ESRRG: variants seen among roughly 807,000 people sequenced by gnomAD.
ESRRG encodes estrogen related receptor gamma.
ESRRG carries 13 observed loss-of-function variants against 44.0 expected under a neutral mutation model. The observed-to-expected ratio is 0.30, with a 90% confidence interval of 0.19 to 0.47. ESRRG has a LOEUF of 0.47. Among genes scored for constraint, ESRRG ranks in the 20% least tolerant of loss-of-function variants. The pLI, the probability that ESRRG is intolerant of heterozygous loss-of-function variation, is 1.00. For synonymous variants in ESRRG, 215 were observed against 214.6 expected (o/e 1.00, Z -0.02); for missense variants, 395 against 580.6 (o/e 0.68, Z 3.29).
intron 5 of ESRRG, among the ~76,000 whole-genome samples, chr1:216,545,428 T>A (rs1259568085): frequency 6.6e-6 from 1 of 151,934 alleles, no homozygotes; most frequent in Non-Finnish European, 1.5e-5. Context: ...CCCACCCCAA[T>A]GCATACGTTC....
At chr1:216,542,337 T>A (rs1332468053) in intron 5 of ESRRG, among the ~76,000 whole-genome samples, 2 of 151,968 alleles carry the variant, frequency 1.3e-5, no homozygotes, top group East Asian at 3.9e-4. Flanking sequence ...AAAGATGCAA[T>A]TCTTTTTGGT....
intron 6 of ESRRG, among the ~76,000 whole-genome samples, chr1:216,515,482 A>T (rs1388807130): frequency 2.0e-5 from 3 of 152,128 alleles, no homozygotes; most frequent in Non-Finnish European, 2.9e-5. Context: ...TAAACTTTCT[A>T]TACCTTGAAA....
intron 2 of ESRRG, among the ~76,000 whole-genome samples, chr1:216,651,677 C>A (rs1041986947): frequency 6.6e-6 from 1 of 152,114 alleles, no homozygotes; most frequent in Non-Finnish European, 1.5e-5. Flanking sequence ...GCTTACTGAT[C>A]ATGGTGATGA....
intron 6 of ESRRG, among the ~76,000 whole-genome samples, chr1:216,510,081 A>G (rs2042273310): frequency 6.6e-6 from 1 of 152,228 alleles, no homozygotes; most frequent in African/African-American, 2.4e-5. Context: ...AATGGATATC[A>G]TAAGTTTATG....
At chr1:216,792,201 C>A (rs2094340149) in intron 2 of ESRRG, among the ~76,000 whole-genome samples, 1 of 152,132 alleles carries the variant, frequency 6.6e-6, no homozygotes. Context: ...CATTCATTAT[C>A]TCTGTGACAT....
At chr1:217,008,985 G>A (rs2078155351) in intron 1 of ESRRG, among the ~76,000 whole-genome samples, 1 of 152,194 alleles carries the variant, frequency 6.6e-6, no homozygotes, top group South Asian at 2.1e-4. Context: ...TCATATTTGA[G>A]GGGATTATTT....
chr1:216,576,027 G>A (rs1486252623), intron 3 of ESRRG, among the ~76,000 whole-genome samples: 1 of 151,898 alleles, frequency 6.6e-6, no homozygotes, highest in Non-Finnish European at 1.5e-5. Context: ...TTTCCACTGA[G>A]GCAGAGACTG....
At chr1:216,793,821 C>T (rs1017149758) in intron 2 of ESRRG, among the ~76,000 whole-genome samples, 2 of 152,146 alleles carry the variant, frequency 1.3e-5, no homozygotes, top group Non-Finnish European at 2.9e-5. Context: ...TCTTATTCAT[C>T]TACAGGTTTA....
chr1:216,617,832 C>T (rs2150408372), intron 3 of ESRRG, among the ~76,000 whole-genome samples: 1 of 152,278 alleles, frequency 6.6e-6, no homozygotes, highest in Middle Eastern at 3.4e-3. Flanking sequence ...AAATGCAAGT[C>T]ACTTTCCCTC....
At chr1:217,107,680 A>C (rs963783858) in intron 1 of ESRRG, among the ~76,000 whole-genome samples, 9 of 152,180 alleles carry the variant, frequency 5.9e-5, no homozygotes, top group African/African-American at 2.2e-4. Context: ...TAATGCTGAA[A>C]TGTATGAAAA....
intron 5 of ESRRG, among the ~76,000 whole-genome samples, chr1:216,529,171 G>T (rs993580354): frequency 6.6e-6 from 1 of 152,118 alleles, no homozygotes; most frequent in Non-Finnish European, 1.5e-5. Flanking sequence ...ATAGCTCTAT[G>T]CAAATAATCT....
At chr1:217,078,241 G>A (rs949497582) in intron 1 of ESRRG, 1 of 152,230 alleles carries the variant, frequency 6.6e-6, no homozygotes, top group Non-Finnish European at 1.5e-5. Flanking sequence ...GATGACAAGA[G>A]CACAGTGCTA....
chr1:216,908,530 A>T (rs1335628877), intron 2 of ESRRG, among the ~76,000 whole-genome samples: 3 of 152,192 alleles, frequency 2.0e-5, no homozygotes, highest in Non-Finnish European at 1.5e-5. Flanking sequence ...ACCATAATAT[A>T]GGTATTGTCA....
intron 3 of ESRRG, among the ~76,000 whole-genome samples, chr1:216,571,976 A>G (rs1281595648): frequency 6.6e-6 from 1 of 152,186 alleles, no homozygotes; most frequent in Non-Finnish European, 1.5e-5. Context: ...AAAGGATCAT[A>G]AGAACTGATA....
intron 5 of ESRRG, among the ~76,000 whole-genome samples, chr1:216,553,001 C>T (rs1572843511): frequency 6.6e-6 from 1 of 152,260 alleles, no homozygotes; most frequent in Admixed American, 6.5e-5. Context: ...TGTTGAACCT[C>T]TGAGAGTGCA....
chr1:217,089,209 G>A (rs1488747077), intron 1 of ESRRG, among the ~76,000 whole-genome samples: 1 of 152,112 alleles, frequency 6.6e-6, no homozygotes, highest in East Asian at 1.9e-4. Context: ...ATCCAGGAAG[G>A]GGGATGGGAG....
At chr1:216,769,952 A>C (rs2093309880) in intron 2 of ESRRG, among the ~76,000 whole-genome samples, 1 of 152,042 alleles carries the variant, frequency 6.6e-6, no homozygotes, top group South Asian at 2.1e-4. Context: ...TATAAAGAGG[A>C]ATATTAACTA....
At chr1:216,542,776 A>G (rs183979543) in intron 5 of ESRRG, among the ~76,000 whole-genome samples, 189 of 152,116 alleles carry the variant, frequency 1.2e-3, no homozygotes, top group African/African-American at 4.2e-3. Flanking sequence ...TCATTTATGA[A>G]TGTAGCTCTT....
chr1:217,051,354 C>T (rs116179024), intron 1 of ESRRG, among the ~76,000 whole-genome samples: 344 of 152,270 alleles, frequency 2.3e-3, no homozygotes, highest in African/African-American at 6.9e-3. Context: ...AATCAGTTAA[C>T]GCTTACAATG....
Sources: allele counts gnomAD v4.1 joint callset (sites outside exome capture counted in the v4.1 genomes callset), GRCh38; gene constraint gnomAD v4.1.1; transcripts MANE v1.5; gene names NCBI Gene and HGNC (gene_info 2026-07-23, HGNC 2026-07-21).